The following THSD7B variants were observed in gnomAD, a reference collection of about 807,000 sequenced individuals.
THSD7B encodes the protein thrombospondin type 1 domain containing 7B, also known as thrombospondin type-1 domain-containing protein 7B.
In THSD7B, 138 loss-of-function variants were observed where a neutral mutation model predicts 213.6. The observed-to-expected ratio is 0.65, with a 90% CI of 0.56 to 0.74. The LOEUF is 0.74. Among genes scored for constraint, THSD7B ranks in the 30% least tolerant of loss-of-function variants. The probability of loss-of-function intolerance (pLI) is 0.00; values close to 1 mark genes in which losing one functional copy is unlikely to be tolerated. For synonymous variants in THSD7B, 742 were observed against 687.0 expected (o/e 1.08, Z -1.25); for missense variants, 1,931 against 1,991.5 (o/e 0.97, Z 0.58).
At chr2:137,432,570 GT>G (rs1207200855) in intron 14 of THSD7B, among the ~76,000 whole-genome samples, 6 of 152,094 alleles carry the variant, frequency 3.9e-5, no homozygotes, top group African/African-American at 1.4e-4. Context: ...CTGTGCTCAT[GT>G]TTTCCTAGGA....
At chr2:137,427,618 A>G (rs1687089917) in intron 14 of THSD7B, among the ~76,000 whole-genome samples, 1 of 152,136 alleles carries the variant, frequency 6.6e-6, no homozygotes. Context: ...GATCTCGCTT[A>G]TATGTATAAT....
chr2:137,214,242 C>G (rs1039116326), intron 7 of THSD7B, among the ~76,000 whole-genome samples: 2 of 151,936 alleles, frequency 1.3e-5, no homozygotes, highest in African/African-American at 4.8e-5. Flanking sequence ...GTACTTATAC[C>G]TGGATTTTCC....
chr2:137,642,609 C>T lies in THSD7B; in HGVS notation c.3921C>T (p.Gly1307=), dbSNP rs908582367. 8 of 1,613,660 alleles carry T rather than the reference C, an allele frequency of 5.0e-6. No individual in the cohort carries two copies. The Admixed American group carries it at 1.3e-4, about 27-fold the overall frequency. ...CCCCCTGCTACAGCTGGGTCCTTGG[C>T]AACTGGTCTGCATGTAAATTGGAGG... is the stretch of plus-strand genomic sequence containing the variant. ...PVTPCYSWVL[G]NWSACKLEGG... The change falls in exon 21 of 28, where the codon GGC becomes GGT. Residue 1307 remains glycine, a synonymous_variant. Coordinates refer to ENST00000409968, the MANE Select transcript of THSD7B (RefSeq NM_001316349.2).
intron 15 of THSD7B, among the ~76,000 whole-genome samples, chr2:137,526,978 A>G (rs1383348548): frequency 6.6e-6 from 1 of 152,106 alleles, no homozygotes; most frequent in African/African-American, 2.4e-5. Context: ...CAAACCACTG[A>G]GGAGATAAGT....
chr2:137,458,028 T>A (rs1573637157), intron 15 of THSD7B, among the ~76,000 whole-genome samples: 1 of 150,036 alleles, frequency 6.7e-6, no homozygotes, highest in Admixed American at 6.7e-5. Context: ...CCTTTCAAGA[T>A]CTTTTTAAGA....
intron 12 of THSD7B, among the ~76,000 whole-genome samples, chr2:137,403,297 AAGAT>A (rs2105000061): frequency 6.6e-6 from 1 of 152,326 alleles, no homozygotes; most frequent in African/African-American, 2.4e-5. Flanking sequence ...AAAATAAAAA[AAGAT>A]AGATTTATGG....
At chr2:137,354,273 A>C (rs1685080838) in intron 12 of THSD7B, among the ~76,000 whole-genome samples, 1 of 104,552 alleles carries the variant, frequency 9.6e-6, no homozygotes, top group Non-Finnish European at 2.2e-5. Flanking sequence ...AGATATGATT[A>C]ATGCAGTCAG....
intron 5 of THSD7B, among the ~76,000 whole-genome samples, chr2:137,117,863 AG>A (rs1203542106): frequency 6.6e-6 from 1 of 152,206 alleles, no homozygotes; most frequent in African/African-American, 2.4e-5. Flanking sequence ...CTCTTGGCCT[AG>A]GCTGGATGCT....
At position 137,540,446 on chromosome 2, in the gene THSD7B, G is replaced by T. The variant is rs150830691; in HGVS notation, c.3139-22775G>T. Among the ~76,000 whole-genome samples, 724 of 151,758 alleles carry T rather than the reference G, an allele frequency of 4.8e-3. 4 individuals are homozygous for T. Among genetic ancestry groups the T allele is most frequent in the African/African-American group, 0.017 (691 of 41,460 alleles). On this transcript the variant is annotated intron_variant, in intron 15 of 27. Transcript: ENST00000409968. ...ACTTGCCCTGTTTCCAACTCCAGCT[G>T]CAGGGTACCCTTGAAAGAAGCTGCC...
intron 2 of THSD7B, among the ~76,000 whole-genome samples, chr2:136,889,966 G>C (rs1408851464): frequency 6.6e-6 from 1 of 152,174 alleles, no homozygotes; most frequent in Non-Finnish European, 1.5e-5. Context: ...GTTGATGTCT[G>C]AAAGGGTCTT....
intron 7 of THSD7B, among the ~76,000 whole-genome samples, chr2:137,203,566 G>T (rs1325690847): frequency 6.6e-6 from 1 of 151,812 alleles, no homozygotes; most frequent in Non-Finnish European, 1.5e-5. Context: ...TGAGAGAAGA[G>T]ATAAGGAAAA....
At chr2:137,595,373 G>C (rs1003557781) in intron 17 of THSD7B, among the ~76,000 whole-genome samples, 1 of 151,928 alleles carries the variant, frequency 6.6e-6, no homozygotes, top group African/African-American at 2.4e-5. Context: ...GTTGTGGTGG[G>C]TTTCATAAGC....
intron 16 of THSD7B, among the ~76,000 whole-genome samples, chr2:137,567,939 T>A (rs766585): frequency 0.27 from 40,585 of 151,784 alleles, 5,530 homozygotes; most frequent in Middle Eastern, 0.37. Flanking sequence ...CCAACATTCA[T>A]GGATTAGAGC....
At chr2:137,620,802 T>C in intron 20 of THSD7B, 76 bp downstream of exon 20, 1 of 1,279,574 alleles carries the variant, frequency 7.8e-7, no homozygotes, top group South Asian at 1.3e-5. Flanking sequence ...GCTTGATAAA[T>C]GGCATAAGGT....
At chr2:137,405,914 T>C in intron 13 of THSD7B, 107 bp downstream of exon 13, 1 of 944,654 alleles carries the variant, frequency 1.1e-6, no homozygotes, top group Non-Finnish European at 1.6e-6. Context: ...GGTCTCTTCC[T>C]CTCTCTCCAT....
chr2:137,362,005 G>A (rs1224963644), intron 12 of THSD7B, among the ~76,000 whole-genome samples: 3 of 152,046 alleles, frequency 2.0e-5, no homozygotes, highest in Admixed American at 2.0e-4. Context: ...TACCCACAAA[G>A]GGAAGCCCAT....
At chr2:137,457,085 C>T (rs1156760642) in intron 15 of THSD7B, among the ~76,000 whole-genome samples, 1 of 152,092 alleles carries the variant, frequency 6.6e-6, no homozygotes, top group Non-Finnish European at 1.5e-5. Flanking sequence ...TTTTTCTCCT[C>T]AAGAGATTCC....
At chr2:137,113,887 A>G (rs1356216724) in intron 4 of THSD7B, among the ~76,000 whole-genome samples, 1 of 152,234 alleles carries the variant, frequency 6.6e-6, no homozygotes, top group Non-Finnish European at 1.5e-5. Context: ...AACTCATGTT[A>G]CAACAAATCC....
chr2:137,332,123 C>A (rs539674497), intron 12 of THSD7B, among the ~76,000 whole-genome samples: 9 of 152,180 alleles, frequency 5.9e-5, no homozygotes, highest in African/African-American at 1.9e-4. Context: ...GAGGAGGCAC[C>A]GAGAGCGAGC....
Sources: gnomAD v4.1 joint callset for allele counts (sites outside exome capture counted in the v4.1 genomes callset) on GRCh38, gnomAD v4.1.1 for gene constraint, MANE v1.5 for transcripts, NCBI Gene and HGNC (gene_info 2026-07-23, HGNC 2026-07-21) for gene names.